Variants in P2RY12 observed in about 807,000 individuals in gnomAD.
P2RY12 encodes purinergic receptor P2Y12.
A neutral mutation model predicts 4.5 loss-of-function variants in P2RY12; 3 were observed. The ratio of observed to expected loss-of-function variants is 0.67; its 90% CI spans 0.31 to 1.74. The LOEUF is 1.74. Ranked by LOEUF, P2RY12 falls within the 40% of genes most tolerant of loss-of-function variation. P2RY12 has a pLI of 0.09. For synonymous variants in P2RY12, 148 were observed against 154.1 expected (o/e 0.96, Z 0.29); for missense variants, 356 against 407.8 (o/e 0.87, Z 1.09).
At chr3:151,380,039 A>G (rs1711972764) in intron 1 of P2RY12, 1 of 955,628 alleles carries the variant, frequency 1.0e-6, no homozygotes, top group Non-Finnish European at 1.6e-6. Flanking sequence ...AGTGAGGCAA[A>G]GAAATGAATG....
At chr3:151,357,142 T>A (rs1754033369) in intron 1 of P2RY12, 1 of 1,333,366 alleles carries the variant, frequency 7.5e-7, no homozygotes, top group African/African-American at 1.5e-5. Flanking sequence ...TATCTATGGT[T>A]TATAAAAATA....
At chr3:151,343,361 G>A (rs1270074434) in intron 1 of P2RY12, among the ~76,000 whole-genome samples, 1 of 152,174 alleles carries the variant, frequency 6.6e-6, no homozygotes, top group Non-Finnish European at 1.5e-5. Flanking sequence ...TAACAGTAGA[G>A]ATTTGAGGGA....
At chr3:151,358,023 C>T (rs1754137101) in intron 1 of P2RY12, among the ~76,000 whole-genome samples, 1 of 152,122 alleles carries the variant, frequency 6.6e-6, no homozygotes, top group South Asian at 2.1e-4. Context: ...TATTTAAACA[C>T]AGAAAGACAA....
chr3:151,352,821 A>G (rs187034298), intron 1 of P2RY12, among the ~76,000 whole-genome samples: 33 of 152,320 alleles, frequency 2.2e-4, no homozygotes, highest in African/African-American at 6.5e-4. Context: ...TACTATGACA[A>G]CCTTTAAGAG....
At chr3:151,384,647 C>A in intron 1 of P2RY12, 45 bp downstream of exon 1, 1 of 192,414 alleles carries the variant, frequency 5.2e-6, no homozygotes, top group South Asian at 1.3e-4. Context: ...AAAAAAGAAA[C>A]CAAATAAATC....
intron 1 of P2RY12, among the ~76,000 whole-genome samples, chr3:151,349,150 A>G (rs1012018243): frequency 1.3e-5 from 2 of 152,260 alleles, no homozygotes; most frequent in African/African-American, 4.8e-5. Context: ...AGCCAGGCAC[A>G]AGAGAGGGCA....
At chr3:151,358,422 G>T (rs1258055656) in intron 1 of P2RY12, among the ~76,000 whole-genome samples, 1 of 152,088 alleles carries the variant, frequency 6.6e-6, no homozygotes, top group Non-Finnish European at 1.5e-5. Flanking sequence ...ATATCACATA[G>T]CTAATAAATC....
intron 1 of P2RY12, among the ~76,000 whole-genome samples, chr3:151,352,923 A>G (rs1452075131): frequency 1.3e-5 from 2 of 152,206 alleles, no homozygotes; most frequent in African/African-American, 2.4e-5. Flanking sequence ...AAATTAACAT[A>G]AGAAAGATGA....
chr3:151,338,474 C>T lies in P2RY12; in HGVS notation c.372G>A (p.Gln124=). 6.2e-7 allele frequency: 1 copy of T among 1,613,730 alleles called. No homozygotes were observed. The highest frequency in any genetic ancestry group is 1.1e-5 in the South Asian group (1 of 91,042). ...FLGLITIDRY[Q]KTTRPFKTSN... is the part of the protein sequence containing the mutation. The stretch of plus-strand genomic sequence containing the variant: ...ATGTTTTAAATGGCCTGGTGGTCTT[C>T]TGGTAGCGATCGATAGTTATCAGTC... The change falls in exon 3 of 3, where the codon CAG becomes CAA. Residue 124 remains glutamine (Q), a synonymous_variant. Coordinates refer to ENST00000302632, the MANE Select transcript of P2RY12 (RefSeq NM_022788.5).
chr3:151,360,551 A>T, intron 1 of P2RY12: 1 of 1,612,880 alleles, frequency 6.2e-7, no homozygotes, highest in Non-Finnish European at 8.5e-7. Flanking sequence ...GCCTACCTCT[A>T]TGATCTCTAT....
chr3:151,372,301 C>T (rs1756282299), intron 1 of P2RY12, among the ~76,000 whole-genome samples: 1 of 152,094 alleles, frequency 6.6e-6, no homozygotes, highest in Non-Finnish European at 1.5e-5. Flanking sequence ...TTCATAATGG[C>T]CTTTCCAAGT....
At chr3:151,359,136 C>T (rs780565601) in intron 1 of P2RY12, among the ~76,000 whole-genome samples, 37 of 152,162 alleles carry the variant, frequency 2.4e-4, no homozygotes, top group Admixed American at 7.9e-4. Flanking sequence ...CTTATGTCCA[C>T]GTGTACCTCA....
chr3:151,363,902 T>G (rs192033384), intron 1 of P2RY12, among the ~76,000 whole-genome samples: 1 of 152,158 alleles, frequency 6.6e-6, no homozygotes. Context: ...CTTAAAGCTA[T>G]TGACAGTGGC....
intron 1 of P2RY12, among the ~76,000 whole-genome samples, chr3:151,363,101 G>C (rs910405873): frequency 6.6e-6 from 1 of 152,002 alleles, no homozygotes; most frequent in Non-Finnish European, 1.5e-5. Flanking sequence ...GCTGGGCGTG[G>C]GGTGTGTGGA....
chr3:151,346,419 G>A (rs1188138281), intron 1 of P2RY12, among the ~76,000 whole-genome samples: 3 of 152,080 alleles, frequency 2.0e-5, no homozygotes, highest in African/African-American at 7.2e-5. Context: ...GTAAATGTGG[G>A]TCACTTCCCT....
chr3:151,380,040 G>T (rs772330526), intron 1 of P2RY12: 197 of 959,750 alleles, frequency 2.1e-4, no homozygotes, highest in Admixed American at 8.8e-4. Context: ...GTGAGGCAAA[G>T]AAATGAATGT....
At chr3:151,342,320 C>A (rs745319429) in intron 1 of P2RY12, among the ~76,000 whole-genome samples, 2 of 152,216 alleles carry the variant, frequency 1.3e-5, no homozygotes, top group African/African-American at 4.8e-5. Flanking sequence ...CTTCTGTTAT[C>A]AGTGGGAATC....
intron 1 of P2RY12, chr3:151,369,575 C>T: frequency 7.0e-7 from 1 of 1,438,370 alleles, no homozygotes; most frequent in Non-Finnish European, 9.6e-7. Context: ...CCCTAAGCTT[C>T]TTGGTTAATC....
chr3:151,374,326 T>A (rs1289705628), intron 1 of P2RY12, among the ~76,000 whole-genome samples: 1 of 152,074 alleles, frequency 6.6e-6, no homozygotes, highest in Admixed American at 6.6e-5. Context: ...GGCAGGTGGA[T>A]CACTTGAGGC....
Sources: allele counts gnomAD v4.1 joint callset (sites outside exome capture counted in the v4.1 genomes callset), GRCh38; gene constraint gnomAD v4.1.1; transcripts MANE v1.5; gene names NCBI Gene and HGNC (gene_info 2026-07-23, HGNC 2026-07-21).